Variants in LNPEP observed in about 807,000 individuals in gnomAD.
LNPEP encodes the protein leucyl and cystinyl aminopeptidase.
A neutral mutation model predicts 120.6 loss-of-function variants in LNPEP; 64 were observed. The ratio of observed to expected loss-of-function variants is 0.53; its 90% CI spans 0.43 to 0.65. The LOEUF is 0.65. Ranked by LOEUF, LNPEP falls within the 30% of genes least tolerant of loss-of-function variation. The pLI, the probability that LNPEP is intolerant of heterozygous loss-of-function variation, is 0.00. For missense variants in LNPEP, 1,057 were observed against 1,200.0 expected (o/e 0.88, Z 1.76); for synonymous variants, 435 against 425.4 (o/e 1.02, Z -0.28).
intron 1 of LNPEP, among the ~76,000 whole-genome samples, chr5:96,972,041 A>T (rs147818810): frequency 6.6e-6 from 1 of 152,270 alleles, no homozygotes; most frequent in Non-Finnish European, 1.5e-5. Flanking sequence ...TTACATATTG[A>T]ATAGTGTCAA....
chr5:96,985,590 T>C (rs111299346), intron 3 of LNPEP, among the ~76,000 whole-genome samples: 18 of 152,288 alleles, frequency 1.2e-4, no homozygotes, highest in Admixed American at 3.3e-4. Flanking sequence ...ATAACTCTTT[T>C]TGGTGTTTTA....
In LNPEP at chr5:97,006,424, C is replaced by T; in HGVS notation, c.1947-3C>T. 8 of 1,529,928 alleles carry T rather than the reference C, an allele frequency of 5.2e-6. No homozygotes were observed. The highest frequency in any genetic ancestry group is 7.2e-6 in the Non-Finnish European group (8 of 1,117,170). The allele number at this position is 1,529,928 out of a possible 1,614,324, so 94.8% of individuals were successfully genotyped here. A position where few individuals can be genotyped will look rare whatever the true frequency, so the allele number is the denominator to read the frequency against. On this transcript the variant is annotated splice_region_variant and splice_polypyrimidine_tract_variant and intron_variant, in intron 10 of 17. Transcript: ENST00000231368. ...CTAATTTTCCAATGTTTTCTCTTTA[C>T]AGCTACCTGTGGCATATTCCACTAT...
At chr5:96,955,197 G>A (rs1415427757) in intron 1 of LNPEP, among the ~76,000 whole-genome samples, 4 of 152,002 alleles carry the variant, frequency 2.6e-5, no homozygotes, top group African/African-American at 9.7e-5. Flanking sequence ...GTAAGTTTAT[G>A]TTTTCTAGAA....
At chr5:96,980,801 G>A (rs1790104355) in intron 2 of LNPEP, among the ~76,000 whole-genome samples, 1 of 152,140 alleles carries the variant, frequency 6.6e-6, no homozygotes, top group African/African-American at 2.4e-5. Context: ...TTTGGCTAAT[G>A]TATGTTGACA....
chr5:97,013,008 A>T (rs1790977087), intron 11 of LNPEP, among the ~76,000 whole-genome samples: 1 of 152,182 alleles, frequency 6.6e-6, no homozygotes, highest in Non-Finnish European at 1.5e-5. Flanking sequence ...AAAATGGGAC[A>T]CATTTTACAC....
rs991956893 is a variant in LNPEP, at chr5:97,008,015, G to A, written c.2035+1500G>A. Among the ~76,000 whole-genome samples the A allele has an allele frequency of 7.2e-5, 11 of 152,170 alleles. No individual in the cohort carries two copies. In the South Asian group the frequency reaches 2.1e-3, roughly 29 times the overall value. On this transcript the variant is annotated intron_variant, in intron 11 of 17. Transcript: ENST00000231368. ...ATTATTTAAAATCCTAGTGGTAGTTGGTAATGTCATCATATCTTTGATAGC... is the reference window on the plus strand; with the variant it reads ...ATTATTTAAAATCCTAGTGGTAGTTAGTAATGTCATCATATCTTTGATAGC...
intron 1 of LNPEP, 102 bp downstream of exon 1, chr5:96,936,276 A>G: frequency 1.4e-6 from 1 of 727,554 alleles, no homozygotes; most frequent in Non-Finnish European, 1.8e-6. Flanking sequence ...CTCCCCCAAC[A>G]CCGCGGGCTT....
At chr5:96,946,280 C>T (rs557305211) in intron 1 of LNPEP, among the ~76,000 whole-genome samples, 1 of 152,308 alleles carries the variant, frequency 6.6e-6, no homozygotes, top group African/African-American at 2.4e-5. Context: ...AAGCAGCAGC[C>T]TCACTTCCAT....
chr5:96,955,490 C>T lies in LNPEP; in HGVS notation c.19+19316C>T, dbSNP rs1789445416. On this transcript the variant is annotated intron_variant, in intron 1 of 17. Transcript: ENST00000231368. ...ATTAGCTGGATGTGGTGATGCACGCCTGTAGTCCCAGCTACTTGGGAGGCT... is the reference window on the plus strand; with the variant it reads ...ATTAGCTGGATGTGGTGATGCACGCTTGTAGTCCCAGCTACTTGGGAGGCT... Among the ~76,000 whole-genome samples, 6 of 152,172 alleles carry T rather than the reference C, an allele frequency of 3.9e-5. No homozygotes were observed. In the South Asian group the frequency reaches 1.2e-3, roughly 31 times the overall value.
chr5:96,943,062 A>G (rs1202510280), intron 1 of LNPEP: 2 of 269,564 alleles, frequency 7.4e-6, no homozygotes, highest in Non-Finnish European at 1.4e-5. Flanking sequence ...GAGACATGGT[A>G]TTGTTTCCAG....
intron 1 of LNPEP, 135 bp from the exon 2 acceptor site, chr5:96,979,003 C>G: frequency 1.1e-6 from 1 of 919,774 alleles, no homozygotes; most frequent in Non-Finnish European, 1.6e-6. Context: ...TTCAGTAGCT[C>G]TGAGATGGAA....
intron 13 of LNPEP, 109 bp from the exon 14 acceptor site, chr5:97,022,191 C>T (rs113524586): frequency 1.3e-5 from 9 of 676,232 alleles, no homozygotes; most frequent in African/African-American, 5.5e-5. Flanking sequence ...AGCTTCCCAA[C>T]GTGCTGGGAT....
At chr5:96,992,107 T>C (rs1248599100) in intron 4 of LNPEP, among the ~76,000 whole-genome samples, 5 of 152,200 alleles carry the variant, frequency 3.3e-5, no homozygotes, top group African/African-American at 1.2e-4. Flanking sequence ...ACTTCCTGAA[T>C]AAAATGTTTA....
Position 96,986,589 on chromosome 5 carries a change from G to A in LNPEP, c.1050G>A (p.Glu350=). The A allele has an allele frequency of 6.2e-7, 1 of 1,613,652 alleles. No individual in the cohort carries two copies. The highest frequency in any genetic ancestry group is 8.5e-7 in the Non-Finnish European group (1 of 1,179,670). Residue 350 remains glutamate (E), a synonymous_variant, in exon 4 of 18, where the codon GAG becomes GAA. Transcript: ENST00000231368. ...DDGLVQDEFS[E]SVKMSTYLVA... ...GACTTGTTCAGGATGAGTTTTCTGA[G>A]AGTGTGAAGATGAGCACTTACTTGG...
intron 4 of LNPEP, among the ~76,000 whole-genome samples, chr5:96,989,263 T>G (rs1333181423): frequency 7.1e-6 from 1 of 141,220 alleles, no homozygotes; most frequent in Non-Finnish European, 1.5e-5. Flanking sequence ...TTTGTGTATA[T>G]ATGATATATA....
In LNPEP at chr5:97,026,642, G is replaced by T. The variant is rs772185923; in HGVS notation, c.2749G>T (p.Asp917Tyr). 7.4e-6 allele frequency: 12 copies of T among 1,613,314 alleles called. No homozygotes were observed. In the South Asian group the frequency reaches 1.3e-4, roughly 18 times the overall value. ...GTTAATGAAAAGTAGCCTGAATGGA[G>T]ATAACTTCCGAACACAGAAGCTGTC... ...YWLMKSSLNG[D>Y]NFRTQKLSFI... Residue 917 changes from aspartate (D) to tyrosine (Y), a missense_variant, in exon 16 of 18, where the codon GAT becomes TAT. Physicochemically the swap from Asp to Tyr is radical, Grantham distance 160 (BLOSUM62 -3). Coordinates refer to ENST00000231368, the MANE Select transcript of LNPEP (RefSeq NM_005575.3).
chr5:97,009,598 T>A (rs1790876478), intron 11 of LNPEP, among the ~76,000 whole-genome samples: 1 of 152,226 alleles, frequency 6.6e-6, no homozygotes, highest in Non-Finnish European at 1.5e-5. Flanking sequence ...TAGAATATAA[T>A]TGATTTAATC....
rs891619157 is a variant in LNPEP, at chr5:96,936,148, G to C, written c.-8G>C. 6.7e-7 allele frequency: 1 copy of C among 1,503,308 alleles called. No homozygotes were observed. Among genetic ancestry groups the C allele is most frequent in the African/African-American group, 1.4e-5 (1 of 68,970 alleles). The allele number at this position is 1,503,308 out of a possible 1,614,324, so 93.1% of individuals were successfully genotyped here. On this transcript the variant is annotated 5_prime_UTR_variant, in exon 1 of 18. Coordinates refer to ENST00000231368, the MANE Select transcript of LNPEP (RefSeq NM_005575.3). Reference sequence around the variant, plus strand: ...GCTCCGGCTGTAAGGAGCCGCGGCGGGGGGAAAATGGAGCCCTTCACCAAT... The same window carrying C: ...GCTCCGGCTGTAAGGAGCCGCGGCGCGGGGAAAATGGAGCCCTTCACCAAT...
intron 1 of LNPEP, among the ~76,000 whole-genome samples, chr5:96,944,333 A>G (rs1320960189): frequency 1.3e-5 from 2 of 152,194 alleles, no homozygotes; most frequent in Admixed American, 1.3e-4. Context: ...TGTGTGACCA[A>G]GGCCCAAAGC....
Sources: allele counts gnomAD v4.1 joint callset (sites outside exome capture counted in the v4.1 genomes callset), GRCh38; gene constraint gnomAD v4.1.1; transcripts MANE v1.5; gene names NCBI Gene and HGNC (gene_info 2026-07-23, HGNC 2026-07-21).